CLASP1: variants seen among roughly 807,000 people sequenced by gnomAD.
The protein encoded by CLASP1 is cytoplasmic linker associated protein 1.
A neutral mutation model predicts 192.3 loss-of-function variants in CLASP1; 38 were observed. The ratio of observed to expected loss-of-function variants is 0.20; its 90% CI spans 0.15 to 0.26. CLASP1 has a LOEUF of 0.26. Among genes scored for constraint, CLASP1 ranks in the 10% least tolerant of loss-of-function variants. The pLI is 1.00. For synonymous variants in CLASP1, 691 were observed against 712.8 expected (o/e 0.97, Z 0.49); for missense variants, 1,433 against 1,932.5 (o/e 0.74, Z 4.85).
intron 2 of CLASP1, among the ~76,000 whole-genome samples, chr2:121,601,014 GA>G (rs1559734641): frequency 1.3e-5 from 2 of 152,206 alleles, no homozygotes; most frequent in Non-Finnish European, 2.9e-5. Context: ...TCCCCCAAGT[GA>G]AAGGTACAAG....
chr2:121,639,408 G>C (rs2071583129), intron 1 of CLASP1, among the ~76,000 whole-genome samples: 1 of 152,170 alleles, frequency 6.6e-6, no homozygotes, highest in African/African-American at 2.4e-5. Context: ...TCAGAAAGTA[G>C]ATCAGAGGTT....
At chr2:121,496,567 A>G (rs966521027) in intron 8 of CLASP1, among the ~76,000 whole-genome samples, 1 of 135,508 alleles carries the variant, frequency 7.4e-6, no homozygotes, top group Non-Finnish European at 1.5e-5. Context: ...TTACTGAGAG[A>G]CATAGAAGAA....
Position 121,518,873 on chromosome 2 carries a change from G to A in CLASP1, c.547-3111C>T, listed in dbSNP as rs918065648. Among the ~76,000 whole-genome samples the A allele has an allele frequency of 2.6e-5, 4 of 152,172 alleles. 1 individual carries two copies. In the South Asian group the frequency reaches 6.2e-4, roughly 24 times the overall value. On this transcript the variant is annotated intron_variant, in intron 6 of 39. Coordinates refer to ENST00000263710, the Ensembl canonical transcript of CLASP1. ...AGCCTGGGTGACAGAACAAGACGCTGTCTCAAGAAAAAGAAAAAAAGAAAA... is the reference window on the plus strand; with the variant it reads ...AGCCTGGGTGACAGAACAAGACGCTATCTCAAGAAAAAGAAAAAAAGAAAA...
At chr2:121,581,376 G>A (rs1023882610) in intron 2 of CLASP1, among the ~76,000 whole-genome samples, 18 of 141,040 alleles carry the variant, frequency 1.3e-4, no homozygotes, top group East Asian at 4.6e-4. Flanking sequence ...CCGGGTTCAC[G>A]CCATTCTCCT....
intron 22 of CLASP1, among the ~76,000 whole-genome samples, chr2:121,423,554 A>G (rs986646737): frequency 6.6e-6 from 1 of 152,254 alleles, no homozygotes; most frequent in East Asian, 1.9e-4. Context: ...ATGGATTGCA[A>G]ACAGACATCC....
At chr2:121,446,031 G>A (rs2084269194) in intron 19 of CLASP1, among the ~76,000 whole-genome samples, 5 of 152,138 alleles carry the variant, frequency 3.3e-5, no homozygotes. Flanking sequence ...TTTGCTCAAT[G>A]GTTACATATG....
chr2:121,506,250 T>C (rs2093946860), intron 7 of CLASP1, among the ~76,000 whole-genome samples: 1 of 152,100 alleles, frequency 6.6e-6, no homozygotes, highest in African/African-American at 2.4e-5. Flanking sequence ...GAGCTGAAGT[T>C]CCCAAGTCTG....
intron 8 of CLASP1, among the ~76,000 whole-genome samples, chr2:121,483,794 CTA>C (rs1193209599): frequency 6.6e-6 from 1 of 152,138 alleles, no homozygotes; most frequent in East Asian, 1.9e-4. Context: ...CAATAGCAAT[CTA>C]GAGTTCTCAT....
intron 39 of CLASP1, among the ~76,000 whole-genome samples, chr2:121,345,154 T>C (rs942953014): frequency 1.3e-5 from 2 of 151,966 alleles, no homozygotes; most frequent in Admixed American, 6.6e-5. Context: ...ATAAAAATAA[T>C]AACAATAAAA....
intron 6 of CLASP1, among the ~76,000 whole-genome samples, chr2:121,517,141 T>C: frequency 6.6e-6 from 1 of 152,208 alleles, no homozygotes; most frequent in Non-Finnish European, 1.5e-5. Context: ...ATGTAACAAA[T>C]GTTAACTGGT....
At chr2:121,554,615 T>TA (rs943021061) in intron 2 of CLASP1, among the ~76,000 whole-genome samples, 13 of 151,032 alleles carry the variant, frequency 8.6e-5, no homozygotes, top group East Asian at 3.9e-4. Context: ...GACCTTGTCT[T>TA]AAAAAAAAAG....
chr2:121,556,875 G>T (rs907771725), intron 2 of CLASP1, among the ~76,000 whole-genome samples: 4 of 152,108 alleles, frequency 2.6e-5, no homozygotes, highest in South Asian at 2.1e-4. Context: ...CAAATAAAGA[G>T]AAACTAATAC....
chr2:121,585,899 CAAA>C (rs11320094), intron 2 of CLASP1, among the ~76,000 whole-genome samples: 7 of 111,238 alleles, frequency 6.3e-5, no homozygotes, highest in East Asian at 5.2e-4. Flanking sequence ...GACTCCATCT[CAAA>C]AAAAAAAAAA....
At position 121,347,160 on chromosome 2, in the gene CLASP1, G is replaced by A. The variant is rs564278620; in HGVS notation, c.4414-6C>T. 5 of 1,548,742 alleles carry A rather than the reference G, an allele frequency of 3.2e-6. No homozygotes were observed. In the South Asian group the frequency reaches 5.9e-5, roughly 18 times the overall value. On this transcript the variant is annotated splice_polypyrimidine_tract_variant and splice_region_variant and intron_variant, in intron 38 of 39. Coordinates refer to ENST00000263710, the Ensembl canonical transcript of CLASP1. ...CTTTCGGTGTTGTCATAACCCTAGA[G>A]AGCCAGAAGGGAACACGAAAAGGAA...
intron 22 of CLASP1, among the ~76,000 whole-genome samples, chr2:121,423,237 T>C (rs901310384): frequency 6.6e-6 from 1 of 152,140 alleles, no homozygotes; most frequent in African/African-American, 2.4e-5. Flanking sequence ...AACTGATCCC[T>C]TTAATTAGCA....
chr2:121,536,378 GAAAAAAAAAA>G (rs59632661), intron 2 of CLASP1, among the ~76,000 whole-genome samples: 43 of 48,302 alleles, frequency 8.9e-4, no homozygotes, highest in African/African-American at 2.9e-3. Context: ...AAGACTGTCT[GAAAAAAAAAA>G]AAAAAAAAAA....
At chr2:121,345,632 A>T (rs2063352355) in intron 39 of CLASP1, among the ~76,000 whole-genome samples, 1 of 152,188 alleles carries the variant, frequency 6.6e-6, no homozygotes, top group Admixed American at 6.5e-5. Flanking sequence ...GGATCTGATG[A>T]GGAGCCTGTG....
At chr2:121,555,831 G>A (rs907336624) in intron 2 of CLASP1, among the ~76,000 whole-genome samples, 5 of 151,636 alleles carry the variant, frequency 3.3e-5, no homozygotes, top group African/African-American at 9.7e-5. Flanking sequence ...ACAGGCATGT[G>A]CCACCACGCC....
intron 37 of CLASP1, among the ~76,000 whole-genome samples, chr2:121,353,073 T>C (rs2064795575): frequency 6.6e-6 from 1 of 152,156 alleles, no homozygotes. Context: ...CTCACACCTG[T>C]AACCCCAGCT....
Sources: gnomAD v4.1 joint callset for allele counts (sites outside exome capture counted in the v4.1 genomes callset) on GRCh38, gnomAD v4.1.1 for gene constraint, MANE v1.5 for transcripts, NCBI Gene and HGNC (gene_info 2026-07-23, HGNC 2026-07-21) for gene names.